IDO2: variants seen among roughly 807,000 people sequenced by gnomAD.
The protein encoded by IDO2 is indoleamine 2,3-dioxygenase 2.
Under a neutral mutation model 45.1 loss-of-function variants are expected in IDO2, and 46 were observed. The ratio of observed to expected loss-of-function variants is 1.02; its 90% CI spans 0.80 to 1.30. The LOEUF (loss-of-function observed/expected upper bound fraction) is 1.30. IDO2 is among the 50% of genes most tolerant of loss of function. The pLI is 0.00. For synonymous variants in IDO2, 218 were observed against 184.9 expected (o/e 1.18, Z -1.45); for missense variants, 544 against 491.8 (o/e 1.11, Z -1.00).
At chr8:39,967,632 C>A (rs943395690) in intron 3 of IDO2, among the ~76,000 whole-genome samples, 29 of 152,240 alleles carry the variant, frequency 1.9e-4, no homozygotes, top group African/African-American at 5.5e-4. Context: ...GGATTACAGG[C>A]ACCCGCCACC....
intron 9 of IDO2, among the ~76,000 whole-genome samples, chr8:40,007,187 C>G (rs1471596650): frequency 6.6e-6 from 1 of 151,276 alleles, no homozygotes; most frequent in Non-Finnish European, 1.5e-5. Context: ...CTAGGAGACA[C>G]CTGAAGTGCT....
intron 4 of IDO2, among the ~76,000 whole-genome samples, chr8:39,980,455 A>T (rs1808326012): frequency 6.7e-6 from 1 of 150,214 alleles, no homozygotes; most frequent in Admixed American, 6.6e-5. Context: ...ATTCATCCAA[A>T]TCTCTTCTGA....
chr8:39,941,114 C>T (rs1225836769), intron 1 of IDO2, among the ~76,000 whole-genome samples: 1 of 149,212 alleles, frequency 6.7e-6, no homozygotes, highest in Non-Finnish European at 1.5e-5. Flanking sequence ...CCCAGCTACT[C>T]AGGAGGCTGA....
rs573836646 is a variant in IDO2 at position 39,959,332 on chromosome 8, T to C, written c.100-4276T>C. Among the ~76,000 whole-genome samples the C allele has an allele frequency of 1.4e-4, 21 of 151,888 alleles. No homozygotes were observed. In the South Asian group the frequency reaches 4.4e-3, roughly 32 times the overall value. On this transcript the variant is annotated intron_variant, in intron 2 of 10. Coordinates refer to ENST00000502986, the Ensembl canonical transcript of IDO2. Reference sequence around the variant, plus strand: ...GGTTTCACCGTGTTAGCCAGGATGGTCTTGATCTCCTGACTTCGTGATCTG... The same window carrying C: ...GGTTTCACCGTGTTAGCCAGGATGGCCTTGATCTCCTGACTTCGTGATCTG...
At chr8:39,949,368 T>C (rs766211633) in intron 2 of IDO2, 104 bp downstream of exon 2, 28 of 784,228 alleles carry the variant, frequency 3.6e-5, no homozygotes, top group Non-Finnish European at 5.6e-5. Flanking sequence ...CCAATATAAA[T>C]ATCAAGTTGT....
intron 3 of IDO2, among the ~76,000 whole-genome samples, chr8:39,974,600 T>C (rs1808231688): frequency 6.6e-6 from 1 of 152,106 alleles, no homozygotes; most frequent in African/African-American, 2.4e-5. Context: ...CTGGCCAACA[T>C]GGTGAAACTC....
chr8:39,954,920 G>A (rs1187375027), intron 2 of IDO2, among the ~76,000 whole-genome samples: 2 of 151,682 alleles, frequency 1.3e-5, no homozygotes, highest in Non-Finnish European at 2.9e-5. Flanking sequence ...GCCTCTCAAA[G>A]TGCTAGGATT....
intron 4 of IDO2, among the ~76,000 whole-genome samples, chr8:39,982,252 A>G (rs201114027): frequency 1.6e-4 from 18 of 110,810 alleles, no homozygotes; most frequent in Non-Finnish European, 2.7e-4. Flanking sequence ...ATATATATAT[A>G]TGTATATATA....
exon 11 of IDO2, chr8:40,015,617 C>T (rs773715519): frequency 3.2e-6 from 5 of 1,577,898 alleles, no homozygotes; most frequent in Non-Finnish European, 2.6e-6. Context: ...CTGCCCTCTC[C>T]CCAGCAATGC....
intron 1 of IDO2, among the ~76,000 whole-genome samples, chr8:39,940,344 G>T (rs1807625002): frequency 6.6e-6 from 1 of 152,102 alleles, no homozygotes; most frequent in Non-Finnish European, 1.5e-5. Context: ...TTGGGCTTAC[G>T]GCTAAAGGAA....
chr8:40,008,914 C>A (rs1391260772), intron 9 of IDO2, among the ~76,000 whole-genome samples: 6 of 152,164 alleles, frequency 3.9e-5, no homozygotes, highest in Non-Finnish European at 8.8e-5. Flanking sequence ...ACAAAAATAT[C>A]TGGATTACTG....
chr8:39,979,267 C>G (rs1808306360), intron 4 of IDO2, 81 bp downstream of exon 4: 2 of 1,473,710 alleles, frequency 1.4e-6, no homozygotes, highest in East Asian at 5.0e-5. Context: ...TTGGTGCTAC[C>G]CTGTTTTCCT....
intron 8 of IDO2, among the ~76,000 whole-genome samples, chr8:40,002,730 C>A (rs146583332): frequency 6.6e-6 from 1 of 151,858 alleles, no homozygotes; most frequent in African/African-American, 2.4e-5. Flanking sequence ...CAGTGAGCCG[C>A]GATCATGCCA....
At chr8:39,963,668 A>G (rs780286284) in exon 3 of IDO2, 1 of 1,611,884 alleles carries the variant, frequency 6.2e-7, no homozygotes, top group Non-Finnish European at 8.5e-7. Flanking sequence ...TCCTCAATTG[A>G]TTGATGCTCA....
intron 8 of IDO2, among the ~76,000 whole-genome samples, chr8:39,994,771 G>A (rs1377851931): frequency 6.6e-6 from 1 of 151,710 alleles, no homozygotes. Context: ...CTTCCTTTTA[G>A]GCAGACTGCA....
chr8:39,936,684 A>T (rs1241708844), intron 1 of IDO2, among the ~76,000 whole-genome samples: 1 of 152,196 alleles, frequency 6.6e-6, no homozygotes, highest in East Asian at 1.9e-4. Flanking sequence ...CCTTAGAGGC[A>T]TTCCTAGAAC....
At chr8:39,997,665 TA>T (rs1446563254) in intron 8 of IDO2, among the ~76,000 whole-genome samples, 1 of 152,046 alleles carries the variant, frequency 6.6e-6, no homozygotes, top group Non-Finnish European at 1.5e-5. Flanking sequence ...TCTCAATAAG[TA>T]AATAAATAAA....
In IDO2 at chr8:39,960,945, G is replaced by A. The variant is rs887055677; in HGVS notation, c.100-2663G>A. Among the ~76,000 whole-genome samples, 157 of 147,550 alleles carry A rather than the reference G, an allele frequency of 1.1e-3. 1 individual carries two copies. The highest frequency in any genetic ancestry group is 3.7e-3 in the African/African-American group (153 of 41,082). ...CTACAGGTGCCCGCCAACACGCCCA[G>A]CTAATTTTTTTGTATTTTTAGTAGA... On this transcript the variant is annotated intron_variant, in intron 2 of 10. Coordinates refer to ENST00000502986, the Ensembl canonical transcript of IDO2.
At chr8:39,935,979 T>C (rs1351313804) in intron 1 of IDO2, among the ~76,000 whole-genome samples, 1 of 152,128 alleles carries the variant, frequency 6.6e-6, no homozygotes, top group African/African-American at 2.4e-5. Context: ...CCAGAAGAGG[T>C]ATCCACAAAA....
Sources: gnomAD v4.1 joint callset for allele counts (sites outside exome capture counted in the v4.1 genomes callset) on GRCh38, gnomAD v4.1.1 for gene constraint, MANE v1.5 for transcripts, NCBI Gene and HGNC (gene_info 2026-07-23, HGNC 2026-07-21) for gene names.